The following PCDHGA2 variants were observed in gnomAD, a reference collection of about 807,000 sequenced individuals.
The protein encoded by PCDHGA2 is protocadherin gamma-A2.
In PCDHGA2, 40 loss-of-function variants were observed where a neutral mutation model predicts 59.2. That is an observed-to-expected ratio of 0.68 (90% CI 0.52 to 0.88). The LOEUF (loss-of-function observed/expected upper bound fraction) is 0.88, where lower values mean the gene tolerates loss of function less well. Among genes scored for constraint, PCDHGA2 ranks in the 40% least tolerant of loss-of-function variants. The pLI, the probability that PCDHGA2 is intolerant of heterozygous loss-of-function variation, is 0.00. For synonymous variants in PCDHGA2, 560 were observed against 526.0 expected (o/e 1.06, Z -0.89); for missense variants, 1,226 against 1,204.0 (o/e 1.02, Z -0.27).
chr5:141,376,269 G>A, intron 1 of PCDHGA2: 2 of 1,614,224 alleles, frequency 1.2e-6, no homozygotes, highest in South Asian at 1.1e-5. Context: ...CAGGCTTCGG[G>A]AGGTGGCTTA....
At chr5:141,482,371 T>C (rs1191880709) in intron 1 of PCDHGA2, among the ~76,000 whole-genome samples, 2 of 152,100 alleles carry the variant, frequency 1.3e-5, no homozygotes, top group African/African-American at 2.4e-5. Flanking sequence ...AAGTAATGCA[T>C]ATAAAGTCCC....
chr5:141,441,764 C>A, intron 1 of PCDHGA2: 1 of 384,482 alleles, frequency 2.6e-6, no homozygotes, highest in South Asian at 2.1e-5. Flanking sequence ...TGAGCCTGCG[C>A]GTGTTGGTGG....
At chr5:141,367,805 G>T (rs1765340857) in intron 1 of PCDHGA2, 1 of 152,034 alleles carries the variant, frequency 6.6e-6, no homozygotes. Context: ...TTCTGTTATA[G>T]ATAAACCCTT....
intron 1 of PCDHGA2, chr5:141,356,800 G>A: frequency 1.2e-6 from 2 of 1,614,046 alleles, no homozygotes; most frequent in Non-Finnish European, 1.7e-6. Flanking sequence ...GCTGATGACA[G>A]CCAGTGACAG....
At chr5:141,352,627 T>C (rs1759062502) in intron 1 of PCDHGA2, 1 of 1,612,018 alleles carries the variant, frequency 6.2e-7, no homozygotes, top group African/African-American at 1.3e-5. Context: ...GTGCCAGTAA[T>C]GAAGATCACA....
intron 1 of PCDHGA2, chr5:141,428,374 C>G: frequency 1.9e-6 from 1 of 530,640 alleles, no homozygotes; most frequent in South Asian, 1.9e-5. Context: ...CTTGCACCTG[C>G]GATGCTCTTC....
intron 1 of PCDHGA2, chr5:141,404,365 C>G (rs1322773399): frequency 1.2e-6 from 2 of 1,613,818 alleles, no homozygotes; most frequent in Admixed American, 3.3e-5. Context: ...GTACTTCCAT[C>G]TTCTCCGTGA....
At chr5:141,496,948 G>A (rs2099772844) in intron 2 of PCDHGA2, among the ~76,000 whole-genome samples, 1 of 151,826 alleles carries the variant, frequency 6.6e-6, no homozygotes, top group Admixed American at 6.6e-5. Context: ...CACTTTGGGA[G>A]GCCAAGGTGG....
In PCDHGA2 at chr5:141,423,272, T is replaced by C. The variant is rs372798900; in HGVS notation, c.2425-71535T>C. On this transcript the variant is annotated intron_variant, in intron 1 of 3. Coordinates refer to ENST00000394576, the MANE Select transcript of PCDHGA2 (RefSeq NM_018915.4). ...GCGGACCTCGGCAGCCTCGAGTCTC[T>C]GGCTAACTCTGAAACCTCAGACCTC... 36 of 1,613,586 alleles carry C rather than the reference T, an allele frequency of 2.2e-5. No individual in the cohort carries two copies. In the African/African-American group the frequency reaches 4.4e-4, roughly 20 times the overall value.
intron 1 of PCDHGA2, chr5:141,371,668 C>A: frequency 6.2e-7 from 1 of 1,614,026 alleles, no homozygotes; most frequent in Middle Eastern, 1.6e-4. Context: ...ATCACAGCTA[C>A]CGACAAAGGC....
chr5:141,420,255 A>G lies in PCDHGA2; in HGVS notation c.2425-74552A>G, dbSNP rs917458059. The G allele has an allele frequency of 7.6e-6, 12 of 1,569,630 alleles. No homozygotes were observed. Among genetic ancestry groups the G allele is most frequent in the African/African-American group, 1.4e-5 (1 of 73,152 alleles). ...ATTTTAACTCCCAGCGTTGAAGCAG[A>G]TAAGAAGATTCTTAAACAGGTAAGT... is the stretch of plus-strand genomic sequence containing the variant. On this transcript the variant is annotated intron_variant, in intron 1 of 3. Coordinates refer to ENST00000394576, the MANE Select transcript of PCDHGA2 (RefSeq NM_018915.4).
At chr5:141,387,016 T>C (rs2090783508) in intron 1 of PCDHGA2, among the ~76,000 whole-genome samples, 1 of 152,202 alleles carries the variant, frequency 6.6e-6, no homozygotes, top group South Asian at 2.1e-4. Flanking sequence ...ACTTTGAAGA[T>C]GAATGTTGTA....
chr5:141,484,426 C>T (rs377504062), intron 1 of PCDHGA2, among the ~76,000 whole-genome samples: 1 of 152,188 alleles, frequency 6.6e-6, no homozygotes, highest in African/African-American at 2.4e-5. Context: ...ACAATGAGAA[C>T]ATGTACTGCA....
rs1453419469 is a variant in PCDHGA2, at chr5:141,505,501, G to A, written c.2572+20G>A. On this transcript the variant is annotated intron_variant, in intron 3 of 3. Transcript: ENST00000394576. ...CCAGTGGTAAGTGGTGTCAGTGTGT[G>A]TATGGAAGAGTGGGAGACCTGGGGT... The A allele has an allele frequency of 1.2e-6, 2 of 1,614,156 alleles. No homozygotes were observed. Among genetic ancestry groups the A allele is most frequent in the Non-Finnish European group, 1.7e-6 (2 of 1,179,970 alleles).
chr5:141,474,407 G>A (rs1431210575), intron 1 of PCDHGA2, among the ~76,000 whole-genome samples: 2 of 152,230 alleles, frequency 1.3e-5, no homozygotes, highest in East Asian at 1.9e-4. Flanking sequence ...GCTCCCCGGT[G>A]ATGCCTAGAC....
chr5:141,424,878 G>A (rs1455273258), intron 1 of PCDHGA2, among the ~76,000 whole-genome samples: 2 of 152,162 alleles, frequency 1.3e-5, no homozygotes, highest in African/African-American at 4.8e-5. Context: ...GAGGAAAGGA[G>A]ACTTATCTAG....
intron 1 of PCDHGA2, chr5:141,374,823 A>G (rs1770865404): frequency 1.2e-6 from 2 of 1,613,952 alleles, no homozygotes; most frequent in African/African-American, 1.3e-5. Context: ...CAGCCTGTCT[A>G]CCGTGTAAGT....
At chr5:141,416,115 A>G (rs2095995433) in intron 1 of PCDHGA2, 2 of 155,406 alleles carry the variant, frequency 1.3e-5, no homozygotes, top group East Asian at 1.9e-4. Context: ...TTCAAACTAC[A>G]TTTTATATAT....
intron 1 of PCDHGA2, chr5:141,409,049 AG>A: frequency 6.2e-7 from 1 of 1,614,028 alleles, no homozygotes; most frequent in African/African-American, 1.3e-5. Context: ...CTACTTCCGA[AG>A]CACTGCCCAG....
Sources: allele counts gnomAD v4.1 joint callset (sites outside exome capture counted in the v4.1 genomes callset), GRCh38; gene constraint gnomAD v4.1.1; transcripts MANE v1.5; gene names NCBI Gene and HGNC (gene_info 2026-07-23, HGNC 2026-07-21).